Variants in VSIG10L2 observed in about 807,000 individuals in gnomAD.
VSIG10L2 encodes the protein V-set and immunoglobulin domain containing 10 like 2, also known as V-set and immunoglobulin domain-containing protein 10-like 2.
Under a neutral mutation model 67.1 loss-of-function variants are expected in VSIG10L2, and 56 were observed. That is an observed-to-expected ratio of 0.83 (90% CI 0.67 to 1.04). The LOEUF (loss-of-function observed/expected upper bound fraction) is 1.04. Among genes scored for constraint, VSIG10L2 ranks in the 50% least tolerant of loss-of-function variants. The pLI, the probability that VSIG10L2 is intolerant of heterozygous loss-of-function variation, is 0.00. For synonymous variants in VSIG10L2, 360 were observed against 396.6 expected, an observed-to-expected ratio of 0.91 and a Z score of 1.10; for missense variants, 843 against 932.8, an observed-to-expected ratio of 0.90 and a Z score of 1.25.
intron 1 of VSIG10L2, chr11:125,947,477 C>T: frequency 4.1e-6 from 4 of 985,424 alleles, no homozygotes; most frequent in Non-Finnish European, 4.8e-6. Context: ...GTCAACCCCT[C>T]CTTCAGTGCA....
intron 3 of VSIG10L2, 30 bp downstream of exon 3, chr11:125,948,610 A>T: frequency 8.1e-7 from 1 of 1,231,892 alleles, no homozygotes. Context: ...GGGGGCTGTC[A>T]GGGCTGACAC....
Position 125,950,384 on chromosome 11 carries a change from C to T in VSIG10L2, c.985+95C>T, listed in dbSNP as rs1015965922. On this transcript the variant is annotated intron_variant, in intron 4 of 11. Transcript: ENST00000686984. ...TGTTCTGGGGCAGACCCCGCCGTCC[C>T]GTGGAGAGGCGTGTGCCAAAGCTGC... 6.3e-5 allele frequency: 74 copies of T among 1,178,156 alleles called. No homozygotes were observed. The Middle Eastern group carries it at 9.6e-4, about 15-fold the overall frequency. 73.0% of individuals were successfully genotyped at this position (1,178,156 alleles called of 1,614,324 possible).
At chr11:125,949,318 A>T (rs1163235222) in intron 3 of VSIG10L2, among the ~76,000 whole-genome samples, 3 of 151,644 alleles carry the variant, frequency 2.0e-5, no homozygotes, top group Admixed American at 2.0e-4. Context: ...AACGTGTTAT[A>T]AAAAAAAATC....
Position 125,954,126 on chromosome 11 carries a change from C to T in VSIG10L2, c.1826C>T (p.Thr609Ile). ...CCCAATGTCACCATCAGCCGCCTGA[C>T]CTACGGGAGGCACCGGAGAGAGGTG... ...APPNVTISRL[T>I]YGRHRREVQL... Residue 609 changes from threonine to isoleucine, a missense_variant, in exon 8 of 12, where the codon ACC becomes ATC. By Grantham distance (89) the Thr-to-Ile change is moderately conservative. This residue lies in a region of VSIG10L2 where 397 missense variants were observed against 384.4 expected (regional missense o/e 1.03). Coordinates refer to ENST00000686984, the MANE Select transcript of VSIG10L2 (RefSeq NM_001365077.2). 1 of 1,232,326 alleles carries T rather than the reference C, an allele frequency of 8.1e-7. No homozygotes were observed. The highest frequency in any genetic ancestry group is 1.0e-6 in the Non-Finnish European group (1 of 988,102). 76.3% of individuals were successfully genotyped at this position (1,232,326 alleles called of 1,614,324 possible). A position where few individuals can be genotyped will look rare whatever the true frequency, so the allele number is the denominator to read the frequency against.
Position 125,951,120 on chromosome 11 carries a change from C to A in VSIG10L2, c.1196C>A (p.Pro399Gln). ...GSVFTCTGQH[P>Q]ALAPPALCTV... ...GTCTTCACCTGCACTGGCCAGCACCCAGCCCTGGCACCGCCTGCCCTCTGC... is the reference window on the plus strand; with the variant it reads ...GTCTTCACCTGCACTGGCCAGCACCAAGCCCTGGCACCGCCTGCCCTCTGC... Residue 399 changes from proline to glutamine, a missense_variant, in exon 5 of 12, where the codon CCA (proline) becomes CAA (glutamine). This residue lies in a region of VSIG10L2 where 446 missense variants were observed against 548.4 expected (regional missense o/e 0.81). Coordinates refer to ENST00000686984, the MANE Select transcript of VSIG10L2 (RefSeq NM_001365077.2). The A allele has an allele frequency of 8.1e-7, 1 of 1,233,012 alleles. No homozygotes were observed. The highest frequency in any genetic ancestry group is 3.1e-5 in the East Asian group (1 of 31,746). The allele number at this position is 1,233,012 out of a possible 1,614,324, so 76.4% of individuals were successfully genotyped here.
In VSIG10L2 at chr11:125,956,085, T is replaced by C. The variant is rs768707926; in HGVS notation, c.*171T>C. On this transcript the variant is annotated 3_prime_UTR_variant, in exon 12 of 12. Coordinates refer to ENST00000686984, the MANE Select transcript of VSIG10L2 (RefSeq NM_001365077.2). ...AAGGCCCAGCTGCAGTGTCCCTAAG[T>C]GACATGGTTACAAGAGAAGCCCTGG... 1 of 689,956 alleles carries C rather than the reference T, an allele frequency of 1.4e-6. No homozygotes were observed. Among genetic ancestry groups the C allele is most frequent in the African/African-American group, 1.8e-5 (1 of 56,990 alleles). The allele number at this position is 689,956 out of a possible 1,614,324, so 42.7% of individuals were successfully genotyped here.
In VSIG10L2 at chr11:125,947,853, G is replaced by A. The variant is rs1042669686; in HGVS notation, c.250G>A (p.Asp84Asn). The A allele has an allele frequency of 1.8e-4, 220 of 1,232,362 alleles. No homozygotes were observed. The highest frequency in any genetic ancestry group is 2.1e-4 in the Non-Finnish European group (209 of 988,122). The allele number at this position is 1,232,362 out of a possible 1,614,324, so 76.3% of individuals were successfully genotyped here. The change falls in exon 2 of 12, where the codon GAT (aspartate) becomes AAT (asparagine). Residue 84 changes from aspartate (D) to asparagine (N), a missense_variant. Transcript: ENST00000686984. ...GGTTCCCCGGCCTGTGGCCGTCACC[G>A]ATGGAGCCATGTCCAAGGTGGAGGC... ...SLVPRPVAVTDGAMSKVEAIA... is the reference protein window; with the variant it reads ...SLVPRPVAVTNGAMSKVEAIA...
chr11:125,954,037 A>G lies in VSIG10L2; in HGVS notation c.1787-50A>G, dbSNP rs575643207. On this transcript the variant is annotated intron_variant, in intron 7 of 11. Coordinates refer to ENST00000686984, the MANE Select transcript of VSIG10L2 (RefSeq NM_001365077.2). ...GGAGCAAATCTGGGGGCACAAGGTC[A>G]CGTGGTTGTAGGTATACATGTCCCT... 3.3e-6 allele frequency: 4 copies of G among 1,221,500 alleles called. No homozygotes were observed. The South Asian group carries it at 1.7e-4, about 52-fold the overall frequency. 75.7% of individuals were successfully genotyped at this position (1,221,500 alleles called of 1,614,324 possible).
rs1945306324 is a variant in VSIG10L2 at position 125,946,659 on chromosome 11, TA to T, written c.82+523del. The stretch of plus-strand genomic sequence containing the variant: ...TTCAAGTGATTCTCCAGCCTCAGCC[TA>T]CCAAGTAGCTGGGATTACAGGTGTG... On this transcript the variant is annotated intron_variant, in intron 1 of 11. Coordinates refer to ENST00000686984, the MANE Select transcript of VSIG10L2 (RefSeq NM_001365077.2). The surrounding 1 kb of genome is among the most constrained non-coding windows in gnomAD (Gnocchi z 4.4). 6.6e-6 allele frequency among the ~76,000 whole-genome samples: 1 copy of T among 151,892 alleles called. No individual in the cohort carries two copies. Among genetic ancestry groups the T allele is most frequent in the Non-Finnish European group, 1.5e-5 (1 of 67,976 alleles).
chr11:125,956,253 T>G lies in VSIG10L2; in HGVS notation c.*339T>G. On this transcript the variant is annotated 3_prime_UTR_variant, in exon 12 of 12. Coordinates refer to ENST00000686984, the MANE Select transcript of VSIG10L2 (RefSeq NM_001365077.2). ...GCTATAGAAGTATGAGCAAGCTAGC[T>G]GCTTCCAGAAAAAAAGTCTGTGGAT... 1.9e-6 allele frequency: 1 copy of G among 514,654 alleles called. No homozygotes were observed. The highest frequency in any genetic ancestry group is 1.9e-5 in the African/African-American group (1 of 52,110). 31.9% of individuals were successfully genotyped at this position (514,654 alleles called of 1,614,324 possible). A position where few individuals can be genotyped will look rare whatever the true frequency, so the allele number is the denominator to read the frequency against.
At chr11:125,949,633 G>A (rs1192551984) in intron 3 of VSIG10L2, among the ~76,000 whole-genome samples, 1 of 152,170 alleles carries the variant, frequency 6.6e-6, no homozygotes. Context: ...CTGGGATAGG[G>A]TTCAGGACAT....
intron 6 of VSIG10L2, among the ~76,000 whole-genome samples, chr11:125,952,462 C>T (rs1448428202): frequency 6.6e-6 from 1 of 152,180 alleles, no homozygotes; most frequent in Non-Finnish European, 1.5e-5. Context: ...TATATCTTGT[C>T]TCCAAAATCT....
intron 7 of VSIG10L2, 35 bp from the exon 8 acceptor site, chr11:125,954,052 T>C (rs1012786010): frequency 2.1e-5 from 26 of 1,229,104 alleles, no homozygotes; most frequent in Non-Finnish European, 2.4e-5. Flanking sequence ...GTTGTAGGTA[T>C]ACATGTCCCT....
At chr11:125,948,112 T>C in intron 2 of VSIG10L2, 76 bp downstream of exon 2, 2 of 1,232,034 alleles carry the variant, frequency 1.6e-6, no homozygotes, top group Non-Finnish European at 2.0e-6. Flanking sequence ...CCCATTCCCT[T>C]TGTGTGTGTG....
At position 125,955,848 on chromosome 11, in the gene VSIG10L2, G is replaced by C. The variant is rs959873431; in HGVS notation, c.2316G>C (p.Leu772Phe). The C allele has an allele frequency of 5.7e-6, 4 of 706,010 alleles. No individual in the cohort carries two copies. Among genetic ancestry groups the C allele is most frequent in the Admixed American group, 2.0e-5 (1 of 49,196 alleles). 43.7% of individuals were successfully genotyped at this position (706,010 alleles called of 1,614,324 possible). A position where few individuals can be genotyped will look rare whatever the true frequency, so the allele number is the denominator to read the frequency against. The change falls in exon 12 of 12, where the codon TTG becomes TTC. Residue 772 changes from leucine to phenylalanine, a missense_variant. Coordinates refer to ENST00000686984, the MANE Select transcript of VSIG10L2 (RefSeq NM_001365077.2). ...AAACACCAACCACCACCCCAGGTTTGGATCCTGCACAAGAAACCACGGATT... is the reference window on the plus strand; with the variant it reads ...AAACACCAACCACCACCCCAGGTTTCGATCCTGCACAAGAAACCACGGATT... ...GLETPTTTPG[L>F]DPAQETTDSP... is the part of the protein sequence containing the mutation.
intron 3 of VSIG10L2, among the ~76,000 whole-genome samples, chr11:125,949,585 G>A (rs1029590689): frequency 4.6e-5 from 7 of 152,024 alleles, no homozygotes; most frequent in South Asian, 2.1e-4. Flanking sequence ...CAGGAGAGAG[G>A]GGAAGGTGGA....
In VSIG10L2 at chr11:125,948,292, C is replaced by T; in HGVS notation, c.434-13C>T. On this transcript the variant is annotated splice_polypyrimidine_tract_variant and intron_variant, in intron 2 of 11. Transcript: ENST00000686984. ...CTGTAATAACACAGCGGGCCTCTCC[C>T]TCCTCTGGCCAGTGCCGGTGTCCAA... 8.1e-7 allele frequency: 1 copy of T among 1,232,450 alleles called. No individual in the cohort carries two copies. The highest frequency in any genetic ancestry group is 1.0e-6 in the Non-Finnish European group (1 of 988,228). The allele number at this position is 1,232,450 out of a possible 1,614,324, so 76.3% of individuals were successfully genotyped here. A position where few individuals can be genotyped will look rare whatever the true frequency, so the allele number is the denominator to read the frequency against.
intron 4 of VSIG10L2, 30 bp downstream of exon 4, chr11:125,950,319 C>T (rs1472931543): frequency 8.1e-7 from 1 of 1,232,314 alleles, no homozygotes; most frequent in Non-Finnish European, 1.0e-6. Context: ...GACGCCCAGA[C>T]CTGTCCTGGG....
chr11:125,947,572 C>A (rs890490547), intron 1 of VSIG10L2, 114 bp from the exon 2 acceptor site: 1 of 1,231,028 alleles, frequency 8.1e-7, no homozygotes, highest in East Asian at 3.2e-5. Flanking sequence ...CTTCCTGAAC[C>A]CTGCCTGGGC....
Sources: gnomAD v4.1 joint callset for allele counts (sites outside exome capture counted in the v4.1 genomes callset) on GRCh38, gnomAD v4.1.1 for gene constraint, gnomAD v4.1.1 regional missense constraint, Gnocchi (gnomAD v3.1) non-coding constraint, MANE v1.5 for transcripts, NCBI Gene and HGNC (gene_info 2026-07-23, HGNC 2026-07-21) for gene names.